Variants in ZNF536 observed in about 807,000 individuals in gnomAD.
ZNF536 encodes the protein zinc finger protein 536.
Under a neutral mutation model 84.5 loss-of-function variants are expected in ZNF536, and 13 were observed. The ratio of observed to expected loss-of-function variants is 0.15; its 90% CI spans 0.10 to 0.24. The LOEUF (loss-of-function observed/expected upper bound fraction) is 0.24. Among genes scored for constraint, ZNF536 ranks in the 10% least tolerant of loss-of-function variants. ZNF536 has a pLI of 1.00. For synonymous variants in ZNF536, 811 were observed against 742.5 expected (o/e 1.09, Z -1.50); for missense variants, 1,536 against 1,747.5 (o/e 0.88, Z 2.16).
Position 30,285,198 on chromosome 19 carries a change from C to T in ZNF536, c.-120+1057C>T, listed in dbSNP as rs185685131. Among the ~76,000 whole-genome samples, 6 of 152,292 alleles carry T rather than the reference C, an allele frequency of 3.9e-5. No homozygotes were observed. In the East Asian group the frequency reaches 1.2e-3, roughly 29 times the overall value. ...TTCCGATCTACCAAATTCATAGCTT[C>T]CTATAATATTTTTGTTGAAAGACAG... On this transcript the variant is annotated intron_variant, in intron 2 of 5. Coordinates refer to the ZNF536 transcript ENST00000585628.
intron 1 of ZNF536, among the ~76,000 whole-genome samples, chr19:30,675,358 C>T (rs561776533): frequency 5.9e-5 from 9 of 152,116 alleles, no homozygotes; most frequent in African/African-American, 1.2e-4. Context: ...CAAAGGTGTC[C>T]GTTGCTCTAT....
At chr19:30,425,553 G>C (rs1042425895) in intron 1 of ZNF536, among the ~76,000 whole-genome samples, 2 of 152,096 alleles carry the variant, frequency 1.3e-5, no homozygotes, top group Non-Finnish European at 2.9e-5. Flanking sequence ...CACTGGCCTT[G>C]TCCCCAGTGC....
intron 1 of ZNF536, among the ~76,000 whole-genome samples, chr19:30,281,473 G>A (rs1458892735): frequency 1.3e-5 from 2 of 151,922 alleles, no homozygotes; most frequent in African/African-American, 2.4e-5. Flanking sequence ...TGCCTTTGAT[G>A]TGCTCCTTGT....
intron 1 of ZNF536, among the ~76,000 whole-genome samples, chr19:30,259,318 C>T (rs1424466858): frequency 6.6e-6 from 1 of 152,184 alleles, no homozygotes; most frequent in Non-Finnish European, 1.5e-5. Flanking sequence ...CAAAGGGATA[C>T]ATCAGGGAGC....
intron 1 of ZNF536, among the ~76,000 whole-genome samples, chr19:30,246,585 C>T (rs925176953): frequency 1.3e-5 from 2 of 152,178 alleles, no homozygotes; most frequent in African/African-American, 2.4e-5. Flanking sequence ...CCCGTCCCCA[C>T]CCCACAAGAG....
intron 2 of ZNF536, among the ~76,000 whole-genome samples, chr19:30,344,264 C>T (rs1014950470): frequency 2.8e-5 from 2 of 71,836 alleles, no homozygotes; most frequent in Non-Finnish European, 5.2e-5. Context: ...CATGGTGAAA[C>T]CCTGTCTCTA....
intron 3 of ZNF536, among the ~76,000 whole-genome samples, chr19:30,535,789 T>C (rs887886356): frequency 2.6e-5 from 4 of 152,134 alleles, no homozygotes; most frequent in African/African-American, 9.7e-5. Flanking sequence ...TGACACTTTA[T>C]CTATTGGAGT....
intron 1 of ZNF536, among the ~76,000 whole-genome samples, chr19:30,433,727 C>A (rs567420777): frequency 6.6e-6 from 1 of 152,132 alleles, no homozygotes; most frequent in African/African-American, 2.4e-5. Flanking sequence ...AGACTCCTGA[C>A]CTCAGGTGAT....
chr19:30,705,951 C>A (rs991736023), intron 1 of ZNF536, among the ~76,000 whole-genome samples: 4 of 152,046 alleles, frequency 2.6e-5, no homozygotes, highest in Non-Finnish European at 5.9e-5. Flanking sequence ...AGGATAAAAT[C>A]ATGATTAATA....
At chr19:30,462,966 T>C (rs2053220638) in intron 2 of ZNF536, among the ~76,000 whole-genome samples, 1 of 144,988 alleles carries the variant, frequency 6.9e-6, no homozygotes, top group South Asian at 2.4e-4. Context: ...TCCGTATGCA[T>C]TTGCCTGTGT....
chr19:30,495,068 TAA>T (rs1487955201), intron 2 of ZNF536, among the ~76,000 whole-genome samples: 3 of 152,006 alleles, frequency 2.0e-5, no homozygotes, highest in Non-Finnish European at 4.4e-5. Context: ...TGAGTTAGGC[TAA>T]GAGTCAGCAG....
Position 30,549,099 on chromosome 19 carries a change from C to A in ZNF536, c.3480C>A (p.Asp1160Glu), listed in dbSNP as rs2146237527. The A allele has an allele frequency of 6.2e-7, 1 of 1,614,178 alleles. No homozygotes were observed. ...PETTSKNTTD[D>E]LSDIASSEDM... Reference sequence around the variant, plus strand: ...CCACGAGTAAGAACACTACTGATGACCTCTCTGACATTGCCTCCTCAGAGG... The same window carrying A: ...CCACGAGTAAGAACACTACTGATGAACTCTCTGACATTGCCTCCTCAGAGG... Residue 1160 changes from aspartate to glutamate, a missense_variant, in exon 4 of 5, where the codon GAC becomes GAA. Coordinates refer to ENST00000355537, the MANE Select transcript of ZNF536 (RefSeq NM_014717.3).
intron 1 of ZNF536, among the ~76,000 whole-genome samples, chr19:30,627,695 C>G (rs1234517731): frequency 6.6e-6 from 1 of 152,096 alleles, no homozygotes; most frequent in Non-Finnish European, 1.5e-5. Context: ...TCTGAAGGCT[C>G]TCATATTCTA....
At chr19:30,354,008 T>C (rs1348083670) in intron 3 of ZNF536, among the ~76,000 whole-genome samples, 1 of 152,094 alleles carries the variant, frequency 6.6e-6, no homozygotes, top group Non-Finnish European at 1.5e-5. Context: ...GAGAAGGTGC[T>C]GAAAGCTGCC....
chr19:30,253,373 G>GT lies in ZNF536; in HGVS notation c.-190+24708dup, dbSNP rs1027829003. 1.4e-4 allele frequency among the ~76,000 whole-genome samples: 21 copies of GT among 151,920 alleles called. 1 individual carries two copies. The highest frequency in any genetic ancestry group is 3.4e-3 in the Middle Eastern group (1 of 294). On this transcript the variant is annotated intron_variant, in intron 1 of 5. Coordinates refer to the ZNF536 transcript ENST00000585628. ...TTTTAAGAGACATAGAAAATTTAAG[G>GT]TTTTTTTTGGCTTACAATTCATCAT...
At chr19:30,504,528 C>G (rs1407221614) in intron 2 of ZNF536, among the ~76,000 whole-genome samples, 1 of 136,864 alleles carries the variant, frequency 7.3e-6, no homozygotes, top group Non-Finnish European at 1.6e-5. Flanking sequence ...CCTCCTGCCC[C>G]CCTCTGACCC....
chr19:30,495,473 G>T (rs1426661411), intron 2 of ZNF536, among the ~76,000 whole-genome samples: 1 of 152,212 alleles, frequency 6.6e-6, no homozygotes, highest in Admixed American at 6.5e-5. Context: ...GACCTGGAAG[G>T]AGGCTAAGTC....
At chr19:30,524,119 G>A (rs993000192) in intron 2 of ZNF536, among the ~76,000 whole-genome samples, 3 of 152,144 alleles carry the variant, frequency 2.0e-5, no homozygotes, top group Non-Finnish European at 4.4e-5. Context: ...CCTCCATGCC[G>A]CCCTAATAGA....
intron 1 of ZNF536, among the ~76,000 whole-genome samples, chr19:30,585,564 C>T (rs1354724316): frequency 2.0e-5 from 3 of 152,192 alleles, no homozygotes; most frequent in African/African-American, 7.2e-5. Context: ...GTGGTTCTCT[C>T]ATCCAGGGAA....
Sources: allele counts gnomAD v4.1 joint callset (sites outside exome capture counted in the v4.1 genomes callset), GRCh38; gene constraint gnomAD v4.1.1; transcripts MANE v1.5; gene names NCBI Gene and HGNC (gene_info 2026-07-23, HGNC 2026-07-21).